The following ENOX1 variants were observed in gnomAD, a reference collection of about 807,000 sequenced individuals.
ENOX1 encodes the protein ecto-NOX disulfide-thiol exchanger 1.
ENOX1 carries 42 observed loss-of-function variants against 82.5 expected under a neutral mutation model. The observed-to-expected ratio is 0.51, with a 90% CI of 0.40 to 0.66. The LOEUF (loss-of-function observed/expected upper bound fraction) is 0.66. Ranked by LOEUF, ENOX1 falls within the 30% of genes least tolerant of loss-of-function variation. The pLI is 0.00. For synonymous variants in ENOX1, 271 were observed against 282.2 expected (o/e 0.96, Z 0.40); for missense variants, 608 against 811.6 (o/e 0.75, Z 3.05).
intron 12 of ENOX1, among the ~76,000 whole-genome samples, chr13:43,292,238 G>T (rs1395767422): frequency 6.6e-6 from 1 of 152,126 alleles, no homozygotes; most frequent in Non-Finnish European, 1.5e-5. Context: ...GAATAAGATT[G>T]CATGAGAAGA....
chr13:43,611,432 C>G (rs2082197096), intron 2 of ENOX1, among the ~76,000 whole-genome samples: 1 of 152,192 alleles, frequency 6.6e-6, no homozygotes, highest in African/African-American at 2.4e-5. Context: ...ATGCATCCGT[C>G]ATTTTGGATT....
chr13:43,214,488 C>T (rs1431002601), intron 16 of ENOX1, among the ~76,000 whole-genome samples: 2 of 152,166 alleles, frequency 1.3e-5, no homozygotes, highest in African/African-American at 4.8e-5. Context: ...CTACTAGTGG[C>T]TTCATCCTCA....
intron 5 of ENOX1, among the ~76,000 whole-genome samples, chr13:43,372,170 A>G (rs9562482): frequency 0.017 from 2,558 of 152,326 alleles, 56 homozygotes; most frequent in East Asian, 0.08. Flanking sequence ...AGCAAATGAC[A>G]TGTGGTATTC....
chr13:43,509,362 C>G (rs924721688), intron 2 of ENOX1, among the ~76,000 whole-genome samples: 1 of 152,030 alleles, frequency 6.6e-6, no homozygotes, highest in Non-Finnish European at 1.5e-5. Context: ...TACCTTGAGT[C>G]TGTCATTTAT....
chr13:43,291,853 C>A (rs1422297406), intron 12 of ENOX1, among the ~76,000 whole-genome samples: 1 of 152,160 alleles, frequency 6.6e-6, no homozygotes, highest in East Asian at 1.9e-4. Context: ...TCCAGGAGTT[C>A]CTAGTGTATG....
chr13:43,391,917 T>C (rs2052803204), intron 5 of ENOX1, among the ~76,000 whole-genome samples: 1 of 152,172 alleles, frequency 6.6e-6, no homozygotes, highest in Non-Finnish European at 1.5e-5. Flanking sequence ...GATCAAACCC[T>C]TTCCCAGGAC....
In ENOX1 at chr13:43,527,318, T is replaced by C. The variant is rs116102658; in HGVS notation, c.-218-43166A>G. On this transcript the variant is annotated intron_variant, in intron 2 of 16. Coordinates refer to ENST00000690772, the MANE Select transcript of ENOX1 (RefSeq NM_001347969.2). The stretch of plus-strand genomic sequence containing the variant: ...ATGTTCTGGGCCAAACCTCATACTG[T>C]GTGCTTCATATTCACAATGTCACAA... Among the ~76,000 whole-genome samples, 392 of 152,224 alleles carry C rather than the reference T, an allele frequency of 2.6e-3. 1 individual carries two copies. Among genetic ancestry groups the C allele is most frequent in the African/African-American group, 9.0e-3 (375 of 41,566 alleles).
intron 2 of ENOX1, among the ~76,000 whole-genome samples, chr13:43,651,977 A>C (rs1471081288): frequency 6.6e-6 from 1 of 150,698 alleles, no homozygotes; most frequent in Non-Finnish European, 1.5e-5. Flanking sequence ...TCTCAAAAAA[A>C]AAAAAAAAAA....
chr13:43,681,207 T>C (rs2085765973), intron 1 of ENOX1, among the ~76,000 whole-genome samples: 1 of 152,156 alleles, frequency 6.6e-6, no homozygotes, highest in Non-Finnish European at 1.5e-5. Flanking sequence ...TTTTATAGAA[T>C]ATGAGGAGAG....
At chr13:43,719,685 C>T (rs537965628) in intron 1 of ENOX1, among the ~76,000 whole-genome samples, 1 of 152,092 alleles carries the variant, frequency 6.6e-6, no homozygotes, top group East Asian at 1.9e-4. Flanking sequence ...TGTGGACAGT[C>T]TCGGAACATG....
intron 5 of ENOX1, among the ~76,000 whole-genome samples, chr13:43,388,117 TAAC>T (rs1195451172): frequency 6.6e-6 from 1 of 152,178 alleles, no homozygotes; most frequent in Non-Finnish European, 1.5e-5. Context: ...ACAGAGTCAG[TAAC>T]AACAATGAAG....
At chr13:43,711,880 A>C (rs1398428922) in intron 1 of ENOX1, among the ~76,000 whole-genome samples, 43 of 146,510 alleles carry the variant, frequency 2.9e-4, no homozygotes, top group African/African-American at 1.1e-3. Context: ...TTGCCTATTC[A>C]CTCTGATGGT....
intron 9 of ENOX1, among the ~76,000 whole-genome samples, chr13:43,335,193 A>T (rs753202816): frequency 1.3e-5 from 2 of 152,206 alleles, no homozygotes; most frequent in East Asian, 3.8e-4. Context: ...GTCTACACAC[A>T]TAAGTGGTTT....
intron 2 of ENOX1, among the ~76,000 whole-genome samples, chr13:43,601,848 G>A (rs941357831): frequency 3.9e-5 from 6 of 152,046 alleles, no homozygotes; most frequent in African/African-American, 1.4e-4. Context: ...ACGTCTGCTG[G>A]CAAACTTCTC....
At chr13:43,373,223 T>C (rs1409805009) in intron 5 of ENOX1, among the ~76,000 whole-genome samples, 1 of 151,822 alleles carries the variant, frequency 6.6e-6, no homozygotes, top group African/African-American at 2.4e-5. Flanking sequence ...CATGTTTTAT[T>C]ATCTGTCCTA....
At chr13:43,461,522 C>G (rs2057484926) in intron 3 of ENOX1, among the ~76,000 whole-genome samples, 1 of 152,156 alleles carries the variant, frequency 6.6e-6, no homozygotes, top group African/African-American at 2.4e-5. Context: ...AGGTCTCTGT[C>G]CTCACGGACT....
chr13:43,315,603 C>G (rs1451968105), intron 11 of ENOX1, among the ~76,000 whole-genome samples: 1 of 152,160 alleles, frequency 6.6e-6, no homozygotes, highest in Admixed American at 6.5e-5. Context: ...GTTAATTTTG[C>G]TCAAACGCAA....
intron 9 of ENOX1, among the ~76,000 whole-genome samples, chr13:43,328,178 A>G (rs575984722): frequency 2.0e-5 from 3 of 152,286 alleles, no homozygotes; most frequent in African/African-American, 7.2e-5. Context: ...ACTGATCCTT[A>G]GTGCTCTGGT....
intron 3 of ENOX1, among the ~76,000 whole-genome samples, chr13:43,470,148 A>C (rs2057923117): frequency 6.7e-6 from 1 of 149,972 alleles, no homozygotes; most frequent in South Asian, 2.1e-4. Context: ...TAAACATAAA[A>C]AGCTACAACT....
Sources: allele counts gnomAD v4.1 joint callset (sites outside exome capture counted in the v4.1 genomes callset), GRCh38; gene constraint gnomAD v4.1.1; transcripts MANE v1.5; gene names NCBI Gene and HGNC (gene_info 2026-07-23, HGNC 2026-07-21).